DAPK2: variants seen among roughly 807,000 people sequenced by gnomAD.
The protein encoded by DAPK2 is death associated protein kinase 2.
In DAPK2, 35 loss-of-function variants were observed where a neutral mutation model predicts 44.1. The ratio of observed to expected loss-of-function variants is 0.79; its 90% CI spans 0.61 to 1.05. The LOEUF (loss-of-function observed/expected upper bound fraction) is 1.05. Ranked by LOEUF, DAPK2 falls within the 50% of genes least tolerant of loss-of-function variation. DAPK2 has a pLI of 0.00. For missense variants in DAPK2, 453 were observed against 483.2 expected, an observed-to-expected ratio of 0.94 and a Z score of 0.59; for synonymous variants, 174 against 182.6, an observed-to-expected ratio of 0.95 and a Z score of 0.38.
rs753921574 is a variant in DAPK2, at chr15:63,912,064, C to T, written c.948+44G>A. 1.3e-6 allele frequency: 2 copies of T among 1,575,266 alleles called. No homozygotes were observed. The highest frequency in any genetic ancestry group is 1.1e-5 in the South Asian group (1 of 87,324). On this transcript the variant is annotated intron_variant, in intron 9 of 10. Coordinates refer to ENST00000261891, the Ensembl canonical transcript of DAPK2. This position sits in a 1 kb window ranked among gnomAD's most constrained non-coding sequence, Gnocchi z 4.4. ...GACCCTGGAGAGCCAGAAACCCCGC[C>T]CTAGCCCCCACCCTGTCCCCCGCCG...
At chr15:63,977,872 C>G (rs1199686120) in intron 2 of DAPK2, among the ~76,000 whole-genome samples, 1 of 152,138 alleles carries the variant, frequency 6.6e-6, no homozygotes, top group East Asian at 1.9e-4. Flanking sequence ...ACCATGTGTC[C>G]CTCTCACCAC....
intron 3 of DAPK2, among the ~76,000 whole-genome samples, chr15:63,941,003 G>T (rs960050774): frequency 4.6e-5 from 7 of 151,912 alleles, no homozygotes; most frequent in Non-Finnish European, 2.9e-5. Context: ...CTTTGTAAAC[G>T]GTACACATTA....
At position 63,962,519 on chromosome 15, in the gene DAPK2, A is replaced by G. The variant is rs560375175; in HGVS notation, c.453+8904T>C. ...GGTCTTTGATGATGGTGACGTACAA[A>G]TGGGGTTTTGGTGTGGATGTTCTTT... On this transcript the variant is annotated intron_variant, in intron 3 of 10. Transcript: ENST00000261891. Among the ~76,000 whole-genome samples the G allele has an allele frequency of 5.3e-5, 8 of 152,286 alleles. No individual in the cohort carries two copies. In the East Asian group the frequency reaches 1.5e-3, roughly 29 times the overall value.
At chr15:63,926,269 A>C in intron 6 of DAPK2, 176 bp from the exon 8 acceptor site, 1 of 592,866 alleles carries the variant, frequency 1.7e-6, no homozygotes, top group Non-Finnish European at 2.9e-6. Context: ...CCAATTCAAT[A>C]CATGTTCATG....
intron 3 of DAPK2, among the ~76,000 whole-genome samples, chr15:63,950,543 GA>G (rs1229726172): frequency 2.6e-5 from 4 of 151,326 alleles, no homozygotes; most frequent in Non-Finnish European, 5.9e-5. Context: ...CTATTAGAAA[GA>G]AAAAAACAAC....
chr15:63,925,956 A>G (rs777600109), exon 7 of DAPK2: 4 of 1,614,134 alleles, frequency 2.5e-6, no homozygotes, highest in Non-Finnish European at 8.5e-7. Context: ...CTCTTTAACC[A>G]GAAGCTTCCG....
chr15:63,978,001 G>T (rs2078400603), intron 2 of DAPK2, among the ~76,000 whole-genome samples: 2 of 152,178 alleles, frequency 1.3e-5, no homozygotes, highest in Non-Finnish European at 2.9e-5. Context: ...TCTCCTCACA[G>T]TGGGCTTCAC....
Position 63,908,720 on chromosome 15 carries a change from G to A in DAPK2, c.1033-120C>T, listed in dbSNP as rs1172887187. 3.8e-6 allele frequency: 3 copies of A among 793,698 alleles called. No individual in the cohort carries two copies. The highest frequency in any genetic ancestry group is 3.8e-6 in the Non-Finnish European group (2 of 532,962). The allele number at this position is 793,698 out of a possible 1,614,324, so 49.2% of individuals were successfully genotyped here. A position where few individuals can be genotyped will look rare whatever the true frequency, so the allele number is the denominator to read the frequency against. Reference sequence around the variant, plus strand: ...CCACGGGACTACAAGCCAGGGAGGTGGGTGGTGAAAGCAAGCCTGCTGATC... The same window carrying A: ...CCACGGGACTACAAGCCAGGGAGGTAGGTGGTGAAAGCAAGCCTGCTGATC... On this transcript the variant is annotated intron_variant, in intron 10 of 10. Transcript: ENST00000261891. The surrounding 1 kb of genome is among the most constrained non-coding windows in gnomAD (Gnocchi z 5.7).
chr15:63,960,243 C>A (rs1367357016), intron 3 of DAPK2, among the ~76,000 whole-genome samples: 1 of 152,062 alleles, frequency 6.6e-6, no homozygotes. Flanking sequence ...ATTCTTCTCT[C>A]TTTTCTTATT....
intron 1 of DAPK2, among the ~76,000 whole-genome samples, chr15:64,025,218 T>C (rs908600341): frequency 6.6e-6 from 1 of 152,170 alleles, no homozygotes; most frequent in African/African-American, 2.4e-5. Context: ...GGTAAGTTAG[T>C]TCAATCTCTA....
chr15:63,971,215 C>A (rs917230327), intron 3 of DAPK2, among the ~76,000 whole-genome samples: 1 of 152,146 alleles, frequency 6.6e-6, no homozygotes, highest in Non-Finnish European at 1.5e-5. Flanking sequence ...TTGCAGTCAG[C>A]TCCAGTGTGC....
intron 2 of DAPK2, 23 bp from the exon 4 acceptor site, chr15:63,971,584 G>A (rs745323146): frequency 1.6e-5 from 25 of 1,611,898 alleles, no homozygotes; most frequent in Non-Finnish European, 2.1e-5. Context: ...AGCGGGGGGA[G>A]GGGAGGCCCA....
intron 1 of DAPK2, among the ~76,000 whole-genome samples, chr15:64,000,885 C>CG (rs1555478098): frequency 1.4e-5 from 2 of 147,308 alleles, no homozygotes; most frequent in East Asian, 3.9e-4. Context: ...TGAGTCAACA[C>CG]TTTTTTTTTT....
At chr15:64,045,818 G>A (rs377332698) in intron 1 of DAPK2, among the ~76,000 whole-genome samples, 1 of 152,210 alleles carries the variant, frequency 6.6e-6, no homozygotes, top group Non-Finnish European at 1.5e-5. Flanking sequence ...CCAGGCCGGG[G>A]CGCCTGACGG....
chr15:64,040,712 A>T (rs928854315), upstream of DAPK2, among the ~76,000 whole-genome samples: 44 of 152,026 alleles, frequency 2.9e-4, no homozygotes, highest in African/African-American at 1.0e-3. Flanking sequence ...GCAGTTCGAG[A>T]CCAGCCTGGC....
intron 1 of DAPK2, among the ~76,000 whole-genome samples, chr15:64,026,978 C>T (rs1469225243): frequency 6.6e-6 from 1 of 152,156 alleles, no homozygotes; most frequent in Non-Finnish European, 1.5e-5. Context: ...CATAGTGGCT[C>T]ACCGCCTGTA....
At chr15:63,998,198 C>T (rs1009943067) in intron 1 of DAPK2, among the ~76,000 whole-genome samples, 1 of 152,166 alleles carries the variant, frequency 6.6e-6, no homozygotes, top group Admixed American at 6.5e-5. Context: ...TCAGAGCAGA[C>T]ATTCTTACCC....
Position 63,923,049 on chromosome 15 carries a change from G to T in DAPK2, c.858+1767C>A, listed in dbSNP as rs1254704819. ...CGGAACTCATACCTGAGCTGGGACA[G>T]GTCATGCCGGGCGCTCTCATTCTCC... On this transcript the variant is annotated intron_variant, in intron 8 of 10. Coordinates refer to ENST00000261891, the Ensembl canonical transcript of DAPK2. The surrounding 1 kb of genome is among the most constrained non-coding windows in gnomAD (Gnocchi z 4.2). The T allele has an allele frequency of 7.2e-6, 11 of 1,535,706 alleles. No individual in the cohort carries two copies. The highest frequency in any genetic ancestry group is 9.6e-6 in the Non-Finnish European group (11 of 1,146,730).
At chr15:64,005,889 C>G (rs1185486325) in intron 1 of DAPK2, among the ~76,000 whole-genome samples, 1 of 151,990 alleles carries the variant, frequency 6.6e-6, no homozygotes, top group Non-Finnish European at 1.5e-5. Flanking sequence ...TTTTAATTAG[C>G]TAGGCGTGTT....
Sources: allele counts gnomAD v4.1 joint callset (sites outside exome capture counted in the v4.1 genomes callset), GRCh38; gene constraint gnomAD v4.1.1; non-coding constraint Gnocchi (gnomAD v3.1); transcripts MANE v1.5; gene names NCBI Gene and HGNC (gene_info 2026-07-23, HGNC 2026-07-21).